BNC2: variants seen among roughly 807,000 people sequenced by gnomAD.
The protein encoded by BNC2 is zinc finger protein basonuclin-2.
BNC2 carries 20 observed loss-of-function variants against 76.3 expected under a neutral mutation model. The observed-to-expected ratio is 0.26, with a 90% CI of 0.18 to 0.38. BNC2 has a LOEUF of 0.38. Ranked by LOEUF, BNC2 falls within the 10% of genes least tolerant of loss-of-function variation. BNC2 has a pLI of 1.00. For missense variants in BNC2, 1,382 were observed against 1,399.8 expected (o/e 0.99, Z 0.20); for synonymous variants, 582 against 514.8 (o/e 1.13, Z -1.77).
chr9:16,847,397 G>A lies in BNC2; in HGVS notation c.3+23249C>T, dbSNP rs868430808. ...TTAAACATCTCTCTGAAGATTTCTC[G>A]GGGCGGGGGGGGGGGGGCGGCGGGC... On this transcript the variant is annotated intron_variant, in intron 1 of 6. Transcript: ENST00000380672. Among the ~76,000 whole-genome samples, 21 of 26,878 alleles carry A rather than the reference G, an allele frequency of 7.8e-4. 5 individuals are homozygous for A. In the South Asian group the frequency reaches 9.3e-3, roughly 12 times the overall value. 17.6% of individuals were successfully genotyped at this position (26,878 alleles called of 152,430 possible). A position where few individuals can be genotyped will look rare whatever the true frequency, so the allele number is the denominator to read the frequency against.
intron 3 of BNC2, among the ~76,000 whole-genome samples, chr9:16,686,141 C>T (rs1316367658): frequency 1.3e-5 from 2 of 151,960 alleles, no homozygotes; most frequent in Non-Finnish European, 2.9e-5. Context: ...TAGGCTAGCA[C>T]AGGCAGACTT....
At chr9:16,754,679 T>A (rs1825327850) in intron 1 of BNC2, among the ~76,000 whole-genome samples, 1 of 152,070 alleles carries the variant, frequency 6.6e-6, no homozygotes, top group Non-Finnish European at 1.5e-5. Context: ...TGCCTCAGCC[T>A]CCTGAGTAGC....
At chr9:16,801,995 C>A (rs1345928795) in intron 1 of BNC2, among the ~76,000 whole-genome samples, 1 of 151,724 alleles carries the variant, frequency 6.6e-6, no homozygotes, top group Non-Finnish European at 1.5e-5. Context: ...CAGTCCACAG[C>A]TAATGCATCA....
chr9:16,645,244 A>G (rs7039706), intron 3 of BNC2, among the ~76,000 whole-genome samples: 91,638 of 152,020 alleles, frequency 0.6, 29,140 homozygotes, highest in African/African-American at 0.82. Context: ...TTCTAACTCT[A>G]TATTGCTGTG....
rs574977747 is a variant in BNC2 at position 16,414,558 on chromosome 9, G to C, written c.*4431C>G. ...CTCTTAAGAAAAGGGTGTGACCACA[G>C]GATGAAAAAAAGTTTCTTCTGGATG... On this transcript the variant is annotated 3_prime_UTR_variant, in exon 7 of 7. Transcript: ENST00000380672. 1 of 152,302 alleles carries C rather than the reference G, an allele frequency of 6.6e-6. No homozygotes were observed. The highest frequency in any genetic ancestry group is 2.4e-5 in the African/African-American group (1 of 41,580). The allele number at this position is 152,302 out of a possible 1,614,324, so 9.4% of individuals were successfully genotyped here.
intron 1 of BNC2, among the ~76,000 whole-genome samples, chr9:16,780,266 A>C (rs1379498179): frequency 6.8e-6 from 1 of 146,736 alleles, no homozygotes; most frequent in Non-Finnish European, 1.5e-5. Flanking sequence ...ACAAAAAAAA[A>C]CTACTGAAAC....
intron 4 of BNC2, among the ~76,000 whole-genome samples, chr9:16,555,299 A>G (rs1587165014): frequency 6.6e-6 from 1 of 152,104 alleles, no homozygotes; most frequent in Admixed American, 6.6e-5. Flanking sequence ...CCGGGATTAC[A>G]GGCATGAGCC....
intron 1 of BNC2, among the ~76,000 whole-genome samples, chr9:16,834,026 C>T (rs1818644503): frequency 6.6e-6 from 1 of 152,154 alleles, no homozygotes; most frequent in South Asian, 2.1e-4. Context: ...GTTAATTTCT[C>T]TGCATCCTTC....
chr9:16,555,835 C>T (rs1818813597), intron 4 of BNC2, among the ~76,000 whole-genome samples: 3 of 151,948 alleles, frequency 2.0e-5, no homozygotes, highest in Non-Finnish European at 4.4e-5. Flanking sequence ...TTATAAACCA[C>T]ATAAATATAG....
chr9:16,578,746 A>G (rs1303636870), intron 4 of BNC2, among the ~76,000 whole-genome samples: 3 of 152,178 alleles, frequency 2.0e-5, no homozygotes, highest in Non-Finnish European at 4.4e-5. Flanking sequence ...AAAGAGCTCT[A>G]AAAAACTTTT....
chr9:16,766,676 A>C (rs1024563238), intron 1 of BNC2, among the ~76,000 whole-genome samples: 2 of 152,240 alleles, frequency 1.3e-5, no homozygotes, highest in East Asian at 3.8e-4. Context: ...CACAAAAATT[A>C]GTTCATTTCT....
chr9:16,515,960 AGAC>A (rs1436412945), intron 5 of BNC2, among the ~76,000 whole-genome samples: 1 of 149,848 alleles, frequency 6.7e-6, no homozygotes, highest in Non-Finnish European at 1.5e-5. Flanking sequence ...AAAAAAAGTC[AGAC>A]TGCCACTACC....
intron 5 of BNC2, among the ~76,000 whole-genome samples, chr9:16,442,254 A>C (rs1256852653): frequency 6.6e-6 from 1 of 152,198 alleles, no homozygotes; most frequent in Non-Finnish European, 1.5e-5. Flanking sequence ...AATAATATAG[A>C]CTTATAAACC....
intron 1 of BNC2, among the ~76,000 whole-genome samples, chr9:16,747,641 T>C (rs1004013106): frequency 6.6e-6 from 1 of 152,228 alleles, no homozygotes; most frequent in African/African-American, 2.4e-5. Context: ...TTTCAAAATA[T>C]GTGCTCATCC....
At chr9:16,557,418 G>A (rs1818869555) in intron 4 of BNC2, among the ~76,000 whole-genome samples, 2 of 151,924 alleles carry the variant, frequency 1.3e-5, no homozygotes, top group African/African-American at 2.4e-5. Flanking sequence ...AGAATCACCT[G>A]AACCCAGGAG....
intron 3 of BNC2, among the ~76,000 whole-genome samples, chr9:16,600,281 T>C (rs1400925912): frequency 6.6e-6 from 1 of 152,224 alleles, no homozygotes; most frequent in African/African-American, 2.4e-5. Flanking sequence ...TGAAACATTA[T>C]CTGAATATCC....
rs150660549 is a variant in BNC2 at position 16,640,943 on chromosome 9, C to G, written c.331-57858G>C. ...GTGTCTAAGAACTCAAGAAGCAGTA[C>G]GTTCACAGCTCTAGAAAGAGTTAAG... On this transcript the variant is annotated intron_variant, in intron 3 of 6. Transcript: ENST00000380672. 4.0e-4 allele frequency among the ~76,000 whole-genome samples: 61 copies of G among 152,214 alleles called. 2 individuals are homozygous for G. In the East Asian group the frequency reaches 0.01, roughly 26 times the overall value.
rs1414399896 is a variant in BNC2, at chr9:16,539,739, G to GAAA, written c.669+12790_669+12791insTTT. ...GGAAGGGGAAGGAAAAGAGGGAAAG[G>GAAA]GAAGGGAAGGGAAGGAAAGGAAAGG... On this transcript the variant is annotated intron_variant, in intron 5 of 6. Coordinates refer to ENST00000380672, the MANE Select transcript of BNC2 (RefSeq NM_017637.6). 1.2e-4 allele frequency among the ~76,000 whole-genome samples: 12 copies of GAAA among 97,380 alleles called. 2 individuals are homozygous for GAAA. The highest frequency in any genetic ancestry group is 6.3e-4 in the African/African-American group (12 of 19,056). 63.9% of individuals were successfully genotyped at this position (97,380 alleles called of 152,430 possible). A position where few individuals can be genotyped will look rare whatever the true frequency, so the allele number is the denominator to read the frequency against.
intron 1 of BNC2, among the ~76,000 whole-genome samples, chr9:16,806,380 AAAAAG>A (rs767827382): frequency 3.9e-5 from 6 of 152,252 alleles, no homozygotes; most frequent in South Asian, 2.1e-4. Flanking sequence ...CTAAAAAAGA[AAAAAG>A]AAAAGAAAAG....
Sources: allele counts gnomAD v4.1 joint callset (sites outside exome capture counted in the v4.1 genomes callset), GRCh38; gene constraint gnomAD v4.1.1; transcripts MANE v1.5; gene names NCBI Gene and HGNC (gene_info 2026-07-23, HGNC 2026-07-21).